Variants in BLM observed in about 807,000 individuals in gnomAD.
BLM encodes the protein BLM RecQ like helicase.
BLM carries 95 observed loss-of-function variants against 135.3 expected under a neutral mutation model. The observed-to-expected ratio is 0.70, with a 90% CI of 0.59 to 0.83. BLM has a LOEUF of 0.83. Ranked by LOEUF, BLM falls within the 40% of genes least tolerant of loss-of-function variation. The pLI is 0.00. For missense variants in BLM, 1,518 were observed against 1,663.9 expected, an observed-to-expected ratio of 0.91 and a Z score of 1.53; for synonymous variants, 520 against 589.2, an observed-to-expected ratio of 0.88 and a Z score of 1.70.
chr15:90,730,743 G>A (rs560625305), intron 1 of BLM, among the ~76,000 whole-genome samples: 1 of 152,260 alleles, frequency 6.6e-6, no homozygotes, highest in South Asian at 2.1e-4. Flanking sequence ...ACCATGCCCG[G>A]CGTGATAAGA....
rs575396660 is a variant in BLM at position 90,758,036 on chromosome 15, T to C, written c.1088-2111T>C. Reference sequence around the variant, plus strand: ...AGCTGGGACTACAGGCATGCACCACTATGCCCAGCTTTTTTGTATTTTTAT... The same window carrying C: ...AGCTGGGACTACAGGCATGCACCACCATGCCCAGCTTTTTTGTATTTTTAT... On this transcript the variant is annotated intron_variant, in intron 5 of 21. Coordinates refer to ENST00000355112, the MANE Select transcript of BLM (RefSeq NM_000057.4). 1.2e-3 allele frequency among the ~76,000 whole-genome samples: 175 copies of C among 151,844 alleles called. 1 individual carries two copies. Among genetic ancestry groups the C allele is most frequent in the African/African-American group, 4.0e-3 (167 of 41,524 alleles).
At chr15:90,744,948 G>A (rs1472062290) in intron 1 of BLM, among the ~76,000 whole-genome samples, 1 of 151,832 alleles carries the variant, frequency 6.6e-6, no homozygotes, top group African/African-American at 2.4e-5. Flanking sequence ...CTGTGTGGGA[G>A]GGTGAGGTGG....
intron 12 of BLM, among the ~76,000 whole-genome samples, chr15:90,770,678 G>A (rs887257125): frequency 1.3e-5 from 2 of 152,240 alleles, no homozygotes; most frequent in African/African-American, 4.8e-5. Context: ...TGGTATGCCT[G>A]AAGGAGTAAT....
intron 1 of BLM, among the ~76,000 whole-genome samples, chr15:90,737,626 A>G (rs1339138672): frequency 6.6e-6 from 1 of 152,204 alleles, no homozygotes; most frequent in Non-Finnish European, 1.5e-5. Context: ...TCTTGAGACA[A>G]TGAAAACGAA....
At chr15:90,778,863 T>C (rs1365425410) in intron 12 of BLM, among the ~76,000 whole-genome samples, 2 of 151,996 alleles carry the variant, frequency 1.3e-5, no homozygotes, top group African/African-American at 4.8e-5. Flanking sequence ...TATTGGGTCA[T>C]ATAGAAACTC....
In BLM at chr15:90,759,896, C is replaced by G. The variant is rs192546491; in HGVS notation, c.1088-251C>G. On this transcript the variant is annotated intron_variant, in intron 5 of 21. Transcript: ENST00000355112. Reference sequence around the variant, plus strand: ...TGTTGGGATTACAGGCGTGAGCCACCGTGCCCAGCCCCACTTTAAAAAAAA... The same window carrying G: ...TGTTGGGATTACAGGCGTGAGCCACGGTGCCCAGCCCCACTTTAAAAAAAA... 496 of 382,502 alleles carry G rather than the reference C, an allele frequency of 1.3e-3. 4 individuals are homozygous for G. Among genetic ancestry groups the G allele is most frequent in the South Asian group, 3.4e-3 (140 of 41,612 alleles). 23.7% of individuals were successfully genotyped at this position (382,502 alleles called of 1,614,324 possible).
intron 4 of BLM, among the ~76,000 whole-genome samples, chr15:90,752,803 A>G (rs1895723041): frequency 6.6e-6 from 1 of 152,220 alleles, no homozygotes; most frequent in Admixed American, 6.5e-5. Flanking sequence ...GTGGTAGAGT[A>G]TAGTATATAC....
chr15:90,803,496 C>G (rs371093490), intron 17 of BLM, 25 bp from the exon 18 acceptor site: 57 of 1,598,110 alleles, frequency 3.6e-5, no homozygotes, highest in Middle Eastern at 1.7e-4. Flanking sequence ...ATTTACTCAT[C>G]TTACTTCCTG....
intron 3 of BLM, 114 bp from the exon 4 acceptor site, chr15:90,751,673 G>C (rs768940349): frequency 1.2e-6 from 1 of 825,056 alleles, no homozygotes; most frequent in African/African-American, 1.7e-5. Context: ...TCCATACAAA[G>C]TGGTGTGATT....
chr15:90,718,221 T>A (rs1459352139), intron 1 of BLM, among the ~76,000 whole-genome samples: 1 of 152,222 alleles, frequency 6.6e-6, no homozygotes, highest in African/African-American at 2.4e-5. Context: ...ATTGTCCCCA[T>A]TTTAGACATG....
intron 1 of BLM, among the ~76,000 whole-genome samples, chr15:90,729,182 C>T (rs947016340): frequency 5.9e-5 from 9 of 151,972 alleles, no homozygotes; most frequent in African/African-American, 1.9e-4. Context: ...TGGTGGTACG[C>T]GCTTGTAATC....
chr15:90,752,973 T>C (rs568732224), intron 4 of BLM, among the ~76,000 whole-genome samples: 10 of 152,346 alleles, frequency 6.6e-5, no homozygotes, highest in African/African-American at 9.6e-5. Context: ...CCTGGTGTCA[T>C]ACTGATTCCT....
chr15:90,776,666 C>T lies in BLM; in HGVS notation c.2556-6156C>T, dbSNP rs146858028. 8.2e-3 allele frequency among the ~76,000 whole-genome samples: 1,251 copies of T among 152,188 alleles called. 13 individuals carry two copies. The highest frequency in any genetic ancestry group is 0.028 in the African/African-American group (1,163 of 41,526). ...CCCGCCAAGTAGCCAGGACTACAGG[C>T]GTGCACCACCATGCCTGGCTAATTT... On this transcript the variant is annotated intron_variant, in intron 12 of 21. Transcript: ENST00000355112.
Position 90,747,847 on chromosome 15 carries a change from G to A in BLM, c.98+357G>A, listed in dbSNP as rs147678245. ...TTTTGAGACGGAGTCTCGCTCTGTC[G>A]CACAGGCTGGAGTGCAGTGGCGCGA... On this transcript the variant is annotated intron_variant, in intron 2 of 21. Transcript: ENST00000355112. 4.1e-3 allele frequency among the ~76,000 whole-genome samples: 620 copies of A among 152,102 alleles called. 3 individuals carry two copies. Among genetic ancestry groups the A allele is most frequent in the African/African-American group, 0.015 (602 of 41,506 alleles).
chr15:90,739,183 C>T (rs906369525), intron 1 of BLM, among the ~76,000 whole-genome samples: 1 of 152,104 alleles, frequency 6.6e-6, no homozygotes. Context: ...ATCACAAGGT[C>T]ACAGGTTCAA....
In BLM at chr15:90,797,015, T is replaced by C. The variant is rs1309305894; in HGVS notation, c.3211-1175T>C. ...TTATTAGTAAGCTTAAGGTAGGAAG[T>C]GTGAGCGGCTGATGTATGTGGAGGA... is the stretch of plus-strand genomic sequence containing the variant. On this transcript the variant is annotated intron_variant, in intron 16 of 21. Coordinates refer to ENST00000355112, the MANE Select transcript of BLM (RefSeq NM_000057.4). Among the ~76,000 whole-genome samples, 5 of 152,016 alleles carry C rather than the reference T, an allele frequency of 3.3e-5. No individual in the cohort carries two copies. In the East Asian group the frequency reaches 9.7e-4, roughly 29 times the overall value.
At position 90,760,191 on chromosome 15, in the gene BLM, C is replaced by T. The variant is rs752240971; in HGVS notation, c.1132C>T (p.His378Tyr). The change falls in exon 6 of 22, where the codon CAC (histidine) becomes TAC (tyrosine). Residue 378 changes from histidine (H) to tyrosine (Y), a missense_variant. By Grantham distance (83) the His-to-Tyr change is moderately conservative. This residue lies in a region of BLM where 724 missense variants were observed against 756.9 expected (regional missense o/e 0.96). Transcript: ENST00000355112. ...GCAGCAGCTTATTCATGTGATGGAGCACATCTGTAAATTAATTGATACTAT... is the reference window on the plus strand; with the variant it reads ...GCAGCAGCTTATTCATGTGATGGAGTACATCTGTAAATTAATTGATACTAT... ...LQQQLIHVME[H>Y]ICKLIDTIPD... 1.6e-5 allele frequency: 26 copies of T among 1,612,324 alleles called. No homozygotes were observed. The highest frequency in any genetic ancestry group is 3.3e-5 in the Admixed American group (2 of 59,976).
chr15:90,734,436 C>T (rs1895148015), intron 1 of BLM, among the ~76,000 whole-genome samples: 1 of 151,864 alleles, frequency 6.6e-6, no homozygotes, highest in Non-Finnish European at 1.5e-5. Context: ...TACAGGCGCC[C>T]ACCACCACAC....
rs61059865 is a variant in BLM, at chr15:90,789,987, G to GTTT, written c.2824-628_2824-626dup. 6.6e-4 allele frequency among the ~76,000 whole-genome samples: 38 copies of GTTT among 57,376 alleles called. 2 individuals carry two copies. The highest frequency in any genetic ancestry group is 1.7e-3 in the African/African-American group (33 of 18,944). 37.6% of individuals were successfully genotyped at this position (57,376 alleles called of 152,430 possible). A position where few individuals can be genotyped will look rare whatever the true frequency, so the allele number is the denominator to read the frequency against. ...AGGTCTAAGATCCGCAGTCCCTGGT[G>GTTT]TTTTTTTTTTTTTTTTTTTTTTTTT... On this transcript the variant is annotated intron_variant, in intron 14 of 21. Coordinates refer to ENST00000355112, the MANE Select transcript of BLM (RefSeq NM_000057.4).
Sources: gnomAD v4.1 joint callset for allele counts (sites outside exome capture counted in the v4.1 genomes callset) on GRCh38, gnomAD v4.1.1 for gene constraint, gnomAD v4.1.1 regional missense constraint, MANE v1.5 for transcripts, NCBI Gene and HGNC (gene_info 2026-07-23, HGNC 2026-07-21) for gene names.